PCDHA4: variants seen among roughly 807,000 people sequenced by gnomAD.
The protein encoded by PCDHA4 is protocadherin alpha-4.
Under a neutral mutation model 61.4 loss-of-function variants are expected in PCDHA4, and 49 were observed. The observed-to-expected ratio is 0.80, with a 90% CI of 0.63 to 1.01. The LOEUF is 1.01. PCDHA4 is among the 50% of genes least tolerant of loss of function. The pLI is 0.00. For synonymous variants in PCDHA4, 590 were observed against 550.3 expected (o/e 1.07, Z -1.01); for missense variants, 1,254 against 1,235.8 (o/e 1.01, Z -0.22).
chr5:140,927,480 C>T (rs782233621), intron 1 of PCDHA4: 3 of 1,613,976 alleles, frequency 1.9e-6, no homozygotes, highest in African/African-American at 1.3e-5. Context: ...GCGAACAGCG[C>T]GCCACCCACC....
chr5:140,887,525 TC>T (rs552124664), intron 1 of PCDHA4, among the ~76,000 whole-genome samples: 1 of 152,154 alleles, frequency 6.6e-6, no homozygotes, highest in South Asian at 2.1e-4. Context: ...TATATATGAG[TC>T]TTCCTCTCCC....
At chr5:140,958,998 C>T (rs868985322) in intron 1 of PCDHA4, among the ~76,000 whole-genome samples, 5 of 151,906 alleles carry the variant, frequency 3.3e-5, no homozygotes, top group South Asian at 2.1e-4. Flanking sequence ...TAATCTTTTA[C>T]TGTACCTAAT....
At chr5:140,980,616 G>A (rs2096898086) in intron 2 of PCDHA4, among the ~76,000 whole-genome samples, 4 of 151,912 alleles carry the variant, frequency 2.6e-5, no homozygotes, top group Admixed American at 2.0e-4. Context: ...GCGACAGTGC[G>A]AGACTCTGTC....
At chr5:140,823,962 C>G (rs2150130846) in intron 1 of PCDHA4, 6 of 1,613,908 alleles carry the variant, frequency 3.7e-6, no homozygotes, top group East Asian at 2.2e-5. Flanking sequence ...CCACCGAGGC[C>G]GTGTGCACAC....
intron 1 of PCDHA4, among the ~76,000 whole-genome samples, chr5:140,838,247 G>A (rs1775616810): frequency 1.3e-5 from 2 of 149,910 alleles, no homozygotes; most frequent in African/African-American, 4.9e-5. Context: ...CCAAGTAGCT[G>A]GGATTAAAGA....
chr5:140,824,306 T>C, intron 1 of PCDHA4: 1 of 799,318 alleles, frequency 1.3e-6, no homozygotes, highest in East Asian at 2.5e-5. Context: ...GCTGGGGTAA[T>C]AGATTCATCA....
intron 1 of PCDHA4, chr5:140,843,157 G>T: frequency 6.3e-7 from 1 of 1,596,132 alleles, no homozygotes; most frequent in Non-Finnish European, 8.6e-7. Context: ...ATGAGCTGCA[G>T]CCAGCTGCAA....
At chr5:140,849,302 A>T in intron 1 of PCDHA4, 3 of 1,281,278 alleles carry the variant, frequency 2.3e-6, no homozygotes, top group Non-Finnish European at 3.2e-6. Context: ...CCTCAGATTT[A>T]GACGAAGGCT....
At chr5:140,875,636 A>G (rs574545388) in intron 1 of PCDHA4, 3 of 1,613,606 alleles carry the variant, frequency 1.9e-6, no homozygotes, top group African/African-American at 1.3e-5. Context: ...CTGGGGCTGG[A>G]GCTGGCGGAG....
At chr5:140,967,921 C>G (rs781932025) in intron 1 of PCDHA4, 1 of 1,614,172 alleles carries the variant, frequency 6.2e-7, no homozygotes, top group East Asian at 2.2e-5. Flanking sequence ...CCATTGTGGC[C>G]GTTCTCAGTG....
Position 140,895,072 on chromosome 5 carries a change from A to C in PCDHA4, c.2386-83877A>C, listed in dbSNP as rs974661383. On this transcript the variant is annotated intron_variant, in intron 1 of 3. Coordinates refer to ENST00000530339, the MANE Select transcript of PCDHA4 (RefSeq NM_018907.4). ...TCTGCTTCATATGGACTCAATTCCT[A>C]TCAGTTCCTCCTCAGTATAGGGGTT... 2.6e-5 allele frequency among the ~76,000 whole-genome samples: 4 copies of C among 152,208 alleles called. No homozygotes were observed. In the South Asian group the frequency reaches 6.2e-4, roughly 24 times the overall value.
chr5:140,848,428 C>A lies in PCDHA4; in HGVS notation c.2385+38856C>A, dbSNP rs2150410339. 6.6e-5 allele frequency: 95 copies of A among 1,449,944 alleles called. 7 individuals are homozygous for A. The highest frequency in any genetic ancestry group is 8.7e-5 in the Non-Finnish European group (92 of 1,058,798). The allele number at this position is 1,449,944 out of a possible 1,614,324, so 89.8% of individuals were successfully genotyped here. A position where few individuals can be genotyped will look rare whatever the true frequency, so the allele number is the denominator to read the frequency against. On this transcript the variant is annotated intron_variant, in intron 1 of 3. Transcript: ENST00000530339. ...GGCGAACACAGCAGAATGGGACTGA[C>A]GAAATCAGATGATTTCTTCTAATTT...
At chr5:140,986,981 A>G (rs1180752989) in intron 3 of PCDHA4, among the ~76,000 whole-genome samples, 1 of 152,146 alleles carries the variant, frequency 6.6e-6, no homozygotes, top group Non-Finnish European at 1.5e-5. Flanking sequence ...TGGGAGGCCA[A>G]GGCAGGCAGA....
At chr5:140,967,979 G>C (rs1405177525) in intron 1 of PCDHA4, 3 of 1,614,100 alleles carry the variant, frequency 1.9e-6, no homozygotes, top group Non-Finnish European at 2.5e-6. Flanking sequence ...CCTGGGTCTG[G>C]AGGCCACACT....
intron 1 of PCDHA4, among the ~76,000 whole-genome samples, chr5:140,891,445 G>T (rs1036846382): frequency 6.7e-6 from 1 of 148,520 alleles, no homozygotes; most frequent in Non-Finnish European, 1.5e-5. Context: ...CCATTGTATA[G>T]GATTTTTGAA....
chr5:140,835,609 T>C, intron 1 of PCDHA4: 2 of 1,613,962 alleles, frequency 1.2e-6, no homozygotes, highest in South Asian at 2.2e-5. Flanking sequence ...TCATTGGTGC[T>C]GGACAGCGCT....
At chr5:140,936,925 T>C (rs1554211273) in intron 1 of PCDHA4, among the ~76,000 whole-genome samples, 2 of 152,208 alleles carry the variant, frequency 1.3e-5, no homozygotes, top group African/African-American at 2.4e-5. Context: ...AAATATGGGG[T>C]ATATTGAAAA....
rs2098421437 is a variant in PCDHA4, at chr5:141,011,660, T to G, written c.*1723T>G. The G allele has an allele frequency of 6.5e-6, 1 of 153,726 alleles. No individual in the cohort carries two copies. Among genetic ancestry groups the G allele is most frequent in the African/African-American group, 2.4e-5 (1 of 41,436 alleles). The allele number at this position is 153,726 out of a possible 1,614,324, so 9.5% of individuals were successfully genotyped here. On this transcript the variant is annotated 3_prime_UTR_variant, in exon 4 of 4. Coordinates refer to ENST00000530339, the MANE Select transcript of PCDHA4 (RefSeq NM_018907.4). ...GCCAAGACTTCTGCTGGCAAGGGAATGGATAAAGCTGTTTTGTTCTAGTAA... is the reference window on the plus strand; with the variant it reads ...GCCAAGACTTCTGCTGGCAAGGGAAGGGATAAAGCTGTTTTGTTCTAGTAA...
At chr5:140,933,501 G>A (rs1320553451) in intron 1 of PCDHA4, among the ~76,000 whole-genome samples, 2 of 151,978 alleles carry the variant, frequency 1.3e-5, no homozygotes, top group Non-Finnish European at 2.9e-5. Flanking sequence ...GAATTGTTAA[G>A]CAAAGACTAC....
Sources: allele counts gnomAD v4.1 joint callset (sites outside exome capture counted in the v4.1 genomes callset), GRCh38; gene constraint gnomAD v4.1.1; transcripts MANE v1.5; gene names NCBI Gene and HGNC (gene_info 2026-07-23, HGNC 2026-07-21).